PHACTR2: variants seen among roughly 807,000 people sequenced by gnomAD.
PHACTR2 encodes phosphatase and actin regulator 2.
PHACTR2 carries 30 observed loss-of-function variants against 76.0 expected under a neutral mutation model. The ratio of observed to expected loss-of-function variants is 0.39; its 90% confidence interval spans 0.30 to 0.54. PHACTR2 has a LOEUF of 0.54. Among genes scored for constraint, PHACTR2 ranks in the 20% least tolerant of loss-of-function variants. PHACTR2 has a pLI of 0.61. For synonymous variants in PHACTR2, 292 were observed against 292.5 expected, an observed-to-expected ratio of 1.00 and a Z score of 0.02; for missense variants, 696 against 781.1, an observed-to-expected ratio of 0.89 and a Z score of 1.30.
At position 143,618,820 on chromosome 6, in the gene PHACTR2, GA is replaced by G. The variant is rs1299320582; in HGVS notation, c.13+10502del. On this transcript the variant is annotated intron_variant, in intron 1 of 11. Transcript: ENST00000305766. This position sits in a 1 kb window ranked among gnomAD's most constrained non-coding sequence, Gnocchi z 5.2. ...TTCTCACTCCTCTCCTCTCCTCCCC[GA>G]AAACTCTCTTCTACCCCTGTTGGAA... Among the ~76,000 whole-genome samples, 4 of 151,846 alleles carry G rather than the reference GA, an allele frequency of 2.6e-5. No homozygotes were observed. The highest frequency in any genetic ancestry group is 1.3e-4 in the Admixed American group (2 of 15,230).
rs960256269 is a variant in PHACTR2 at position 143,820,479 on chromosome 6, A to G, written c.1923-3195A>G. 1.3e-5 allele frequency among the ~76,000 whole-genome samples: 2 copies of G among 152,202 alleles called. No individual in the cohort carries two copies. Among genetic ancestry groups the G allele is most frequent in the African/African-American group, 4.8e-5 (2 of 41,452 alleles). ...ACAAAAGAAGGTGGCTACAGGCCCC[A>G]TGCAAGTTCAAAACCCAACAAGGCA... On this transcript the variant is annotated intron_variant, in intron 12 of 12. Transcript: ENST00000440869. The surrounding 1 kb of genome is among the most constrained non-coding windows in gnomAD (Gnocchi z 4.2).
rs1562685672 is a variant in PHACTR2, at chr6:143,564,217, ATATATATATATATATATATG to A, written c.217+27014_217+27033del. On this transcript the variant is annotated intron_variant, in intron 1 of 11. Coordinates refer to the PHACTR2 transcript ENST00000367584. ...TGTGCATATATATATATATATATAT[ATATATATATATATATATATG>A]TATGCCACTGCACTCTAACCTTGGC... 3.6e-4 allele frequency among the ~76,000 whole-genome samples: 42 copies of A among 116,076 alleles called. 1 individual carries two copies. Among genetic ancestry groups the A allele is most frequent in the Admixed American group, 1.4e-3 (16 of 11,532 alleles). 76.2% of individuals were successfully genotyped at this position (116,076 alleles called of 152,430 possible). A position where few individuals can be genotyped will look rare whatever the true frequency, so the allele number is the denominator to read the frequency against.
intron 2 of PHACTR2, among the ~76,000 whole-genome samples, chr6:143,746,669 T>A (rs1251100928): frequency 6.6e-6 from 1 of 152,092 alleles, no homozygotes; most frequent in East Asian, 1.9e-4. Flanking sequence ...GTGGTCAAGG[T>A]CCTTCTAAAG....
At position 143,621,828 on chromosome 6, in the gene PHACTR2, C is replaced by T. The variant is rs1776160425; in HGVS notation, c.13+13506C>T. 1.3e-5 allele frequency among the ~76,000 whole-genome samples: 2 copies of T among 152,318 alleles called. No homozygotes were observed. Among genetic ancestry groups the T allele is most frequent in the African/African-American group, 2.4e-5 (1 of 41,574 alleles). On this transcript the variant is annotated intron_variant, in intron 1 of 11. Coordinates refer to the PHACTR2 transcript ENST00000305766. The surrounding 1 kb of genome is among the most constrained non-coding windows in gnomAD (Gnocchi z 4.1). ...GTAGCTCATTTCTTCCTCTCAGCTA[C>T]CTCCCAAGGTGATCACTTGGCCCCA...
chr6:143,645,745 C>A (rs1435981408), intron 1 of PHACTR2, among the ~76,000 whole-genome samples: 1 of 152,170 alleles, frequency 6.6e-6, no homozygotes, highest in African/African-American at 2.4e-5. Flanking sequence ...TTTAGTAAGT[C>A]ATGTTGACAT....
chr6:143,655,157 C>CAAAAA (rs151076366), intron 1 of PHACTR2, among the ~76,000 whole-genome samples: 4 of 99,080 alleles, frequency 4.0e-5, no homozygotes, highest in Admixed American at 1.1e-4. Flanking sequence ...AACTCCGTCT[C>CAAAAA]AAAAAAAAAA....
intron 1 of PHACTR2, among the ~76,000 whole-genome samples, chr6:143,632,010 C>T (rs1776370930): frequency 6.6e-6 from 1 of 152,164 alleles, no homozygotes; most frequent in Non-Finnish European, 1.5e-5. Context: ...CAGAAATGCA[C>T]TGTTATGGAT....
chr6:143,777,219 G>T lies in PHACTR2; in HGVS notation c.1590-109G>T. On this transcript the variant is annotated intron_variant, in intron 8 of 12. Coordinates refer to ENST00000440869, the MANE Select transcript of PHACTR2 (RefSeq NM_001100164.2). This position sits in a 1 kb window ranked among gnomAD's most constrained non-coding sequence, Gnocchi z 4.6. The stretch of plus-strand genomic sequence containing the variant: ...ACTTTTATTTTGCAGCTTTAAAAAT[G>T]GATTTTTATTTCTCAAAACATGAAA... 1.7e-6 allele frequency: 1 copy of T among 601,296 alleles called. No homozygotes were observed. The highest frequency in any genetic ancestry group is 2.3e-5 in the South Asian group (1 of 44,238). The allele number at this position is 601,296 out of a possible 1,614,324, so 37.2% of individuals were successfully genotyped here.
intron 9 of PHACTR2, among the ~76,000 whole-genome samples, chr6:143,778,244 G>A (rs1427116591): frequency 6.6e-6 from 1 of 152,186 alleles, no homozygotes; most frequent in Non-Finnish European, 1.5e-5. Context: ...TGGTGTGGGG[G>A]AAATCCTTGT....
intron 2 of PHACTR2, among the ~76,000 whole-genome samples, chr6:143,724,354 G>A (rs1266260206): frequency 2.0e-5 from 3 of 151,838 alleles, no homozygotes; most frequent in African/African-American, 4.8e-5. Flanking sequence ...GGATGGTCTC[G>A]ATCTCCCGAA....
intron 1 of PHACTR2, among the ~76,000 whole-genome samples, chr6:143,622,729 A>AT (rs1266629629): frequency 5.9e-5 from 9 of 152,156 alleles, no homozygotes; most frequent in South Asian, 2.1e-4. Context: ...GTGAACCTTG[A>AT]TTTTTTTGTG....
Position 143,774,431 on chromosome 6 carries a change from A to G in PHACTR2, c.1589+216A>G, listed in dbSNP as rs182725086. Reference sequence around the variant, plus strand: ...TGAGGTCACCAAAGCCTATTCCAGGAGTCAAAAACTTTTTTTTAAAGACCA... The same window carrying G: ...TGAGGTCACCAAAGCCTATTCCAGGGGTCAAAAACTTTTTTTTAAAGACCA... On this transcript the variant is annotated intron_variant, in intron 8 of 12. Transcript: ENST00000440869. The surrounding 1 kb of genome is among the most constrained non-coding windows in gnomAD (Gnocchi z 5.4). Among the ~76,000 whole-genome samples, 1 of 152,330 alleles carries G rather than the reference A, an allele frequency of 6.6e-6. No homozygotes were observed. The highest frequency in any genetic ancestry group is 6.5e-5 in the Admixed American group (1 of 15,302).
At chr6:143,677,909 C>A (rs1376212223), upstream of PHACTR2, 3 of 578,364 alleles carry the variant, frequency 5.2e-6, no homozygotes, top group Non-Finnish European at 7.1e-6. Flanking sequence ...GCCCTCACCC[C>A]CCTTCTTCCC....
intron 9 of PHACTR2, among the ~76,000 whole-genome samples, chr6:143,778,326 T>G (rs1050238895): frequency 2.0e-5 from 3 of 152,152 alleles, no homozygotes; most frequent in African/African-American, 7.2e-5. Context: ...CTTTCTTTCC[T>G]TTAGGGAAGA....
At position 143,819,473 on chromosome 6, in the gene PHACTR2, C is replaced by T. The variant is rs924338511; in HGVS notation, c.1923-4201C>T. 6.6e-6 allele frequency among the ~76,000 whole-genome samples: 1 copy of T among 152,108 alleles called. No homozygotes were observed. The highest frequency in any genetic ancestry group is 2.4e-5 in the African/African-American group (1 of 41,416). ...AGGGGATTTATTAGGGCAATTGGCT[C>T]ACATGATAATGGATGCTGAGAAGTC... On this transcript the variant is annotated intron_variant, in intron 12 of 12. Transcript: ENST00000440869. This position sits in a 1 kb window ranked among gnomAD's most constrained non-coding sequence, Gnocchi z 5.0.
Position 143,547,576 on chromosome 6 carries a change from A to G in PHACTR2, c.217+10369A>G, listed in dbSNP as rs953367881. On this transcript the variant is annotated intron_variant, in intron 1 of 11. Coordinates refer to the PHACTR2 transcript ENST00000367584. The surrounding 1 kb of genome is among the most constrained non-coding windows in gnomAD (Gnocchi z 4.2). ...TTGAAACAGCCACTGTGACATTTGT[A>G]GAAGGGACCCAATCAGATATGAATG... is the stretch of plus-strand genomic sequence containing the variant. Among the ~76,000 whole-genome samples, 1 of 152,214 alleles carries G rather than the reference A, an allele frequency of 6.6e-6. No homozygotes were observed. Among genetic ancestry groups the G allele is most frequent in the African/African-American group, 2.4e-5 (1 of 41,454 alleles).
At chr6:143,631,240 G>C (rs909740591) in intron 1 of PHACTR2, among the ~76,000 whole-genome samples, 2 of 152,028 alleles carry the variant, frequency 1.3e-5, no homozygotes, top group Non-Finnish European at 2.9e-5. Context: ...GCCCAGGCTG[G>C]AGTGCAGTGG....
At position 143,806,687 on chromosome 6, in the gene PHACTR2, C is replaced by T. The variant is rs1177100513; in HGVS notation, c.1846-370C>T. 6.6e-6 allele frequency among the ~76,000 whole-genome samples: 1 copy of T among 152,154 alleles called. No individual in the cohort carries two copies. Among genetic ancestry groups the T allele is most frequent in the Non-Finnish European group, 1.5e-5 (1 of 68,040 alleles). On this transcript the variant is annotated intron_variant, in intron 11 of 12. Transcript: ENST00000440869. The surrounding 1 kb of genome is among the most constrained non-coding windows in gnomAD (Gnocchi z 5.8). ...AGAATGTCTAAGCTCAGTATGGTGG[C>T]TCATGCCTGTAATTTCAGCACTTTG...
rs1775488495 is a variant in PHACTR2, at chr6:143,783,815, C to G, written c.1707+535C>G. Among the ~76,000 whole-genome samples the G allele has an allele frequency of 6.6e-6, 1 of 151,976 alleles. No individual in the cohort carries two copies. Among genetic ancestry groups the G allele is most frequent in the African/African-American group, 2.4e-5 (1 of 41,388 alleles). On this transcript the variant is annotated intron_variant, in intron 10 of 12. Transcript: ENST00000440869. The surrounding 1 kb of genome is among the most constrained non-coding windows in gnomAD (Gnocchi z 5.2). ...AAAAAATAAAATCATGTCTTTCATT[C>G]AGAGACAGCCATTATTAACATTTCA...
Sources: allele counts gnomAD v4.1 joint callset (sites outside exome capture counted in the v4.1 genomes callset), GRCh38; gene constraint gnomAD v4.1.1; non-coding constraint Gnocchi (gnomAD v3.1); transcripts MANE v1.5; gene names NCBI Gene and HGNC (gene_info 2026-07-23, HGNC 2026-07-21).